The following DCC variants were observed in gnomAD, a reference collection of about 807,000 sequenced individuals.
DCC encodes the protein DCC netrin 1 receptor.
Under a neutral mutation model 172.5 loss-of-function variants are expected in DCC, and 58 were observed. The observed-to-expected ratio is 0.34, with a 90% CI of 0.27 to 0.42. The LOEUF (loss-of-function observed/expected upper bound fraction) is 0.42. Among genes scored for constraint, DCC ranks in the 10% least tolerant of loss-of-function variants. The probability of loss-of-function intolerance (pLI) is 1.00; values close to 1 mark genes in which losing one functional copy is unlikely to be tolerated. For synonymous variants in DCC, 709 were observed against 644.5 expected, an observed-to-expected ratio of 1.10 and a Z score of -1.52; for missense variants, 1,740 against 1,791.0, an observed-to-expected ratio of 0.97 and a Z score of 0.51.
At chr18:53,403,386 C>T (rs1223682454) in intron 19 of DCC, among the ~76,000 whole-genome samples, 1 of 152,076 alleles carries the variant, frequency 6.6e-6, no homozygotes, top group African/African-American at 2.4e-5. Flanking sequence ...ATAAAGTTCA[C>T]AAAACACTTA....
At chr18:52,602,621 CA>C (rs1256360745) in intron 1 of DCC, among the ~76,000 whole-genome samples, 1 of 152,022 alleles carries the variant, frequency 6.6e-6, no homozygotes, top group East Asian at 1.9e-4. Context: ...CACGTATATT[CA>C]ACAATAAGTT....
intron 7 of DCC, among the ~76,000 whole-genome samples, chr18:53,128,866 CACACATATAT>C (rs1455415749): frequency 2.3e-5 from 2 of 86,928 alleles, no homozygotes; most frequent in African/African-American, 1.1e-4. Flanking sequence ...CACACACACA[CACACATATAT>C]ATATATATAT....
In DCC at chr18:53,429,054, T is replaced by TATTTTATATATAATATATATTTTATATAA. The variant is rs775486111; in HGVS notation, c.3164-6090_3164-6089insATTTTATATATAATATATATTTTATATAA. Among the ~76,000 whole-genome samples the TATTTTATATATAATATATATTTTATATAA allele has an allele frequency of 9.0e-3, 315 of 35,144 alleles. 91 individuals carry two copies. The highest frequency in any genetic ancestry group is 0.031 in the South Asian group (42 of 1,366). 23.1% of individuals were successfully genotyped at this position (35,144 alleles called of 152,430 possible). On this transcript the variant is annotated intron_variant, in intron 21 of 28. Coordinates refer to ENST00000442544, the MANE Select transcript of DCC (RefSeq NM_005215.4). ...TAATATATATTTTATATATAATATATTATATATTTTATATATAATATATAT... is the reference window on the plus strand; with the variant it reads ...TAATATATATTTTATATATAATATATATTTTATATATAATATATATTTTATATAATATATATTTTATATATAATATATAT...
At chr18:53,511,779 A>C (rs1426022879) in intron 27 of DCC, among the ~76,000 whole-genome samples, 3 of 152,148 alleles carry the variant, frequency 2.0e-5, no homozygotes, top group Non-Finnish European at 4.4e-5. Flanking sequence ...GCATCATGAG[A>C]GTATATCCTG....
intron 1 of DCC, among the ~76,000 whole-genome samples, chr18:52,458,361 T>A (rs1988522761): frequency 6.6e-6 from 1 of 152,086 alleles, no homozygotes; most frequent in East Asian, 1.9e-4. Flanking sequence ...AGACTCATTG[T>A]CCCCCCCTGA....
At chr18:52,953,744 G>A (rs2040695893) in intron 5 of DCC, among the ~76,000 whole-genome samples, 1 of 152,200 alleles carries the variant, frequency 6.6e-6, no homozygotes, top group Admixed American at 6.5e-5. Flanking sequence ...AATTTGAATT[G>A]ATTGATCTAA....
intron 21 of DCC, among the ~76,000 whole-genome samples, chr18:53,426,431 TTATATTATTTA>T (rs1407209161): frequency 1.9e-5 from 2 of 106,028 alleles, no homozygotes; most frequent in African/African-American, 5.6e-5. Context: ...ATTTATATAT[TTATATTATTTA>T]TATATTTATG....
chr18:53,138,636 T>C (rs1449376534), intron 7 of DCC, among the ~76,000 whole-genome samples: 2 of 152,162 alleles, frequency 1.3e-5, no homozygotes, highest in Non-Finnish European at 2.9e-5. Flanking sequence ...AAAATACATG[T>C]TGTTTTGATT....
chr18:52,490,120 T>C (rs534370359), intron 1 of DCC, among the ~76,000 whole-genome samples: 5 of 152,240 alleles, frequency 3.3e-5, no homozygotes, highest in South Asian at 2.1e-4. Flanking sequence ...TAGTAAAGCA[T>C]AAATCATGGC....
intron 1 of DCC, among the ~76,000 whole-genome samples, chr18:52,466,955 C>T (rs1197604260): frequency 6.6e-6 from 1 of 151,972 alleles, no homozygotes; most frequent in African/African-American, 2.4e-5. Context: ...AATGGCAGAA[C>T]CCGGATTTCA....
intron 1 of DCC, among the ~76,000 whole-genome samples, chr18:52,609,735 A>G (rs1402527027): frequency 6.6e-6 from 1 of 151,908 alleles, no homozygotes; most frequent in Non-Finnish European, 1.5e-5. Context: ...AAAAAAAAAA[A>G]TCTTTGTCAA....
Position 53,220,858 on chromosome 18 carries a change from T to A in DCC, c.1911+5261T>A, listed in dbSNP as rs140458195. Among the ~76,000 whole-genome samples, 672 of 152,130 alleles carry A rather than the reference T, an allele frequency of 4.4e-3. 1 individual carries two copies. The highest frequency in any genetic ancestry group is 0.014 in the African/African-American group (597 of 41,520). On this transcript the variant is annotated intron_variant, in intron 12 of 28. Coordinates refer to ENST00000442544, the MANE Select transcript of DCC (RefSeq NM_005215.4). The stretch of plus-strand genomic sequence containing the variant: ...TGTCCAGGGGCCTATGATTGAAAGT[T>A]TTAGGAAGGGTGGGGAGTAGGAGCA...
intron 1 of DCC, among the ~76,000 whole-genome samples, chr18:52,514,448 C>T (rs1394453246): frequency 6.6e-6 from 1 of 152,168 alleles, no homozygotes; most frequent in Non-Finnish European, 1.5e-5. Flanking sequence ...TACCTCTCCC[C>T]CAGTTCTCAA....
At chr18:52,616,964 A>G (rs567252845) in intron 1 of DCC, among the ~76,000 whole-genome samples, 1 of 152,320 alleles carries the variant, frequency 6.6e-6, no homozygotes, top group African/African-American at 2.4e-5. Context: ...CAAGAAAGGT[A>G]AATTGAGCAG....
chr18:53,085,974 CTT>C (rs2042874083), intron 7 of DCC, among the ~76,000 whole-genome samples: 1 of 67,054 alleles, frequency 1.5e-5, no homozygotes, highest in Non-Finnish European at 2.8e-5. Context: ...TCTTCTTCTT[CTT>C]CTTCTTCTTC....
chr18:53,427,922 T>TA (rs1555670342), intron 21 of DCC, among the ~76,000 whole-genome samples: 50 of 74,702 alleles, frequency 6.7e-4, no homozygotes, highest in Non-Finnish European at 1.1e-3. Context: ...AATAATATAA[T>TA]ATATAATATA....
At chr18:52,470,107 G>T (rs1988904450) in intron 1 of DCC, among the ~76,000 whole-genome samples, 1 of 152,138 alleles carries the variant, frequency 6.6e-6, no homozygotes, top group Non-Finnish European at 1.5e-5. Context: ...CAGATAAAAA[G>T]AATATTTAGA....
chr18:53,432,986 G>A (rs8095329), intron 21 of DCC, among the ~76,000 whole-genome samples: 124,145 of 151,984 alleles, frequency 0.82, 50,981 homozygotes, highest in Non-Finnish European at 0.86. Context: ...TTGCTCGTTG[G>A]TGACATCAAC....
At chr18:52,877,204 G>A (rs1360234903) in intron 2 of DCC, among the ~76,000 whole-genome samples, 1 of 152,108 alleles carries the variant, frequency 6.6e-6, no homozygotes, top group Non-Finnish European at 1.5e-5. Flanking sequence ...ACCATCTTGT[G>A]CATTATAGGA....
Sources: gnomAD v4.1 joint callset for allele counts (sites outside exome capture counted in the v4.1 genomes callset) on GRCh38, gnomAD v4.1.1 for gene constraint, MANE v1.5 for transcripts, NCBI Gene and HGNC (gene_info 2026-07-23, HGNC 2026-07-21) for gene names.